Variants in KANSL1L observed in about 807,000 individuals in gnomAD.
KANSL1L encodes the protein KAT8 regulatory NSL complex subunit 1 like.
KANSL1L carries 25 observed loss-of-function variants against 108.6 expected under a neutral mutation model. That is an observed-to-expected ratio of 0.23 (90% CI 0.17 to 0.32). The LOEUF (loss-of-function observed/expected upper bound fraction) is 0.32, where lower values mean the gene tolerates loss of function less well. Ranked by LOEUF, KANSL1L falls within the 10% of genes least tolerant of loss-of-function variation. The pLI, the probability that KANSL1L is intolerant of heterozygous loss-of-function variation, is 1.00. For synonymous variants in KANSL1L, 405 were observed against 395.1 expected (o/e 1.03, Z -0.30); for missense variants, 1,137 against 1,125.7 (o/e 1.01, Z -0.14).
chr2:210,025,628 T>C (rs1238889861), intron 12 of KANSL1L, among the ~76,000 whole-genome samples: 1 of 152,184 alleles, frequency 6.6e-6, no homozygotes, highest in African/African-American at 2.4e-5. Flanking sequence ...CTAAAATAAA[T>C]GCTATCTGTG....
intron 10 of KANSL1L, 100 bp from the exon 11 acceptor site, chr2:210,029,069 A>G: frequency 2.1e-6 from 2 of 963,158 alleles, no homozygotes; most frequent in Non-Finnish European, 3.1e-6. Flanking sequence ...CACGTTACAT[A>G]ATTTTTGTAA....
rs188908168 is a variant in KANSL1L, at chr2:210,140,550, A to G, written c.1089-11378T>C. Among the ~76,000 whole-genome samples, 6 of 152,240 alleles carry G rather than the reference A, an allele frequency of 3.9e-5. No individual in the cohort carries two copies. The East Asian group carries it at 9.6e-4, about 24-fold the overall frequency. ...ATTCCAGTGGCATGCTGTTTTGACT[A>G]TTATAGTTTTCTCAATGTATTTTGA... is the stretch of plus-strand genomic sequence containing the variant. On this transcript the variant is annotated intron_variant, in intron 2 of 14. Transcript: ENST00000281772.
intron 4 of KANSL1L, among the ~76,000 whole-genome samples, chr2:210,102,509 T>C (rs1387506094): frequency 6.6e-6 from 1 of 152,060 alleles, no homozygotes; most frequent in African/African-American, 2.4e-5. Flanking sequence ...CAAAAGAAAC[T>C]ACCATCAGAG....
At chr2:210,141,543 C>G (rs62201636) in intron 2 of KANSL1L, among the ~76,000 whole-genome samples, 1 of 152,074 alleles carries the variant, frequency 6.6e-6, no homozygotes, top group Non-Finnish European at 1.5e-5. Flanking sequence ...ACACTGAATC[C>G]GCTGACAACT....
At chr2:210,144,996 G>T (rs1331336700) in intron 2 of KANSL1L, among the ~76,000 whole-genome samples, 1 of 152,206 alleles carries the variant, frequency 6.6e-6, no homozygotes, top group Non-Finnish European at 1.5e-5. Flanking sequence ...TCAGGTGGGT[G>T]TGAGGACACC....
chr2:210,033,902 C>T (rs566744006), intron 8 of KANSL1L, among the ~76,000 whole-genome samples: 2 of 151,942 alleles, frequency 1.3e-5, no homozygotes, highest in African/African-American at 2.4e-5. Flanking sequence ...CCTTCTAATT[C>T]GTTACTGTCT....
chr2:210,131,942 CCGCCT>C (rs1243792034), intron 2 of KANSL1L, among the ~76,000 whole-genome samples: 1 of 152,050 alleles, frequency 6.6e-6, no homozygotes, highest in African/African-American at 2.4e-5. Context: ...AGTGATCTAC[CCGCCT>C]CGGCCTCCCA....
At chr2:210,032,943 A>G in intron 8 of KANSL1L, 1 of 152,222 alleles carries the variant, frequency 6.6e-6, no homozygotes. Flanking sequence ...CCCTCTGGAG[A>G]AATGTCAGAA....
At chr2:210,081,707 CAT>C (rs1327032904) in intron 5 of KANSL1L, among the ~76,000 whole-genome samples, 1 of 152,168 alleles carries the variant, frequency 6.6e-6, no homozygotes, top group African/African-American at 2.4e-5. Context: ...TGTACATACA[CAT>C]ATGTTGTCAG....
At chr2:210,032,765 C>T (rs1010122244) in intron 8 of KANSL1L, 1 of 152,194 alleles carries the variant, frequency 6.6e-6, no homozygotes, top group African/African-American at 2.4e-5. Context: ...CTGAGTATCA[C>T]AGCTTCAATG....
At chr2:210,151,682 T>A (rs1274658798) in intron 2 of KANSL1L, 1 of 152,214 alleles carries the variant, frequency 6.6e-6, no homozygotes, top group Non-Finnish European at 1.5e-5. Context: ...GAAATAAGGA[T>A]AACAACTACC....
chr2:210,111,952 C>A (rs1199518687), intron 3 of KANSL1L, among the ~76,000 whole-genome samples: 1 of 148,068 alleles, frequency 6.8e-6, no homozygotes, highest in Non-Finnish European at 1.5e-5. Context: ...TCTCATTGTT[C>A]AATTCCCACC....
chr2:210,137,740 T>C (rs2095187460), intron 2 of KANSL1L, among the ~76,000 whole-genome samples: 2 of 152,112 alleles, frequency 1.3e-5, no homozygotes, highest in South Asian at 4.1e-4. Flanking sequence ...ATATTAATTC[T>C]ATACATCTGG....
intron 6 of KANSL1L, among the ~76,000 whole-genome samples, chr2:210,055,127 G>C (rs1326497320): frequency 6.6e-6 from 1 of 152,190 alleles, no homozygotes; most frequent in Non-Finnish European, 1.5e-5. Flanking sequence ...CCATGCTGCT[G>C]TTCTTGTGAA....
chr2:210,155,726 G>C (rs1336770445), intron 1 of KANSL1L, among the ~76,000 whole-genome samples: 2 of 152,034 alleles, frequency 1.3e-5, no homozygotes, highest in African/African-American at 2.4e-5. Flanking sequence ...CATTATGAAG[G>C]CTGAATAGTT....
chr2:210,122,997 A>T (rs556433687), intron 3 of KANSL1L, among the ~76,000 whole-genome samples: 1 of 152,320 alleles, frequency 6.6e-6, no homozygotes, highest in South Asian at 2.1e-4. Context: ...ATGAGCTATC[A>T]TCTCACCCCA....
chr2:210,046,205 A>G (rs933687979), intron 6 of KANSL1L, among the ~76,000 whole-genome samples: 8 of 152,304 alleles, frequency 5.3e-5, no homozygotes, highest in African/African-American at 1.9e-4. Flanking sequence ...AGGTTTCTAC[A>G]TATGAGTTTT....
At chr2:210,160,013 G>A (rs566806287) in intron 1 of KANSL1L, among the ~76,000 whole-genome samples, 25 of 152,326 alleles carry the variant, frequency 1.6e-4, no homozygotes, top group African/African-American at 4.6e-4. Context: ...TCCAGCCTGG[G>A]TGACAGAGCG....
chr2:210,112,922 G>T (rs1195278362), intron 3 of KANSL1L, among the ~76,000 whole-genome samples: 2 of 152,264 alleles, frequency 1.3e-5, no homozygotes, highest in South Asian at 2.1e-4. Context: ...ATCAATTTTA[G>T]CTCTTAGCAC....
Sources: gnomAD v4.1 joint callset for allele counts (sites outside exome capture counted in the v4.1 genomes callset) on GRCh38, gnomAD v4.1.1 for gene constraint, MANE v1.5 for transcripts, NCBI Gene and HGNC (gene_info 2026-07-23, HGNC 2026-07-21) for gene names.